BCL11B: variants seen among roughly 807,000 people sequenced by gnomAD.
BCL11B encodes B-cell lymphoma/leukemia 11B.
BCL11B carries 8 observed loss-of-function variants against 49.9 expected under a neutral mutation model. The observed-to-expected ratio is 0.16, with a 90% CI of 0.09 to 0.29. The LOEUF (loss-of-function observed/expected upper bound fraction) is 0.29, where lower values mean the gene tolerates loss of function less well. Among genes scored for constraint, BCL11B ranks in the 10% least tolerant of loss-of-function variants. BCL11B has a pLI of 1.00. For missense variants in BCL11B, 1,006 were observed against 1,351.0 expected, an observed-to-expected ratio of 0.74 and a Z score of 4.00; for synonymous variants, 739 against 637.4, an observed-to-expected ratio of 1.16 and a Z score of -2.40.
chr14:99,271,180 G>T lies in BCL11B; in HGVS notation c.39C>A (p.Ser13=). 1 of 1,550,498 alleles carries T rather than the reference G, an allele frequency of 6.4e-7. No homozygotes were observed. The change falls in exon 1 of 4, where the codon TCC becomes TCA. Residue 13 remains serine (S), a synonymous_variant. Coordinates refer to ENST00000357195, the MANE Select transcript of BCL11B (RefSeq NM_138576.4). ...ACTTACGGGTGATGAGCTCCCTCTG[G>T]GACAAGTGCTGCGGGTTGCCCTGTT... The part of the protein sequence containing the change: ...RRKQGNPQHL[S]QRELITPEAD...
chr14:99,244,067 G>A (rs1488407154), intron 2 of BCL11B, among the ~76,000 whole-genome samples: 2 of 152,142 alleles, frequency 1.3e-5, no homozygotes, highest in African/African-American at 2.4e-5. Context: ...AGAGCACCCT[G>A]GGGGCTACCA....
At chr14:99,267,224 C>T (rs548620928) in intron 1 of BCL11B, among the ~76,000 whole-genome samples, 8 of 151,382 alleles carry the variant, frequency 5.3e-5, no homozygotes, top group Admixed American at 3.9e-4. Context: ...AAAGGCCAGA[C>T]AAAAAATCGC....
At chr14:99,176,490 C>T (rs1246764543) in intron 3 of BCL11B, among the ~76,000 whole-genome samples, 1 of 152,246 alleles carries the variant, frequency 6.6e-6, no homozygotes, top group Non-Finnish European at 1.5e-5. Flanking sequence ...TTCTGATCTC[C>T]ATTACCTCCG....
rs747905518 is a variant in BCL11B, at chr14:99,231,376, C to T, written c.609G>A (p.Glu203=). The change falls in exon 3 of 4, where the codon GAG becomes GAA. Residue 203 remains glutamate, a synonymous_variant. Coordinates refer to ENST00000357195, the MANE Select transcript of BCL11B (RefSeq NM_138576.4). The surrounding 1 kb of genome is among the most constrained non-coding windows in gnomAD (Gnocchi z 8.1). ...GDGTQGEGQT[E]APFGCQCQLS... is the part of the protein sequence containing the mutation. ...ACTGACACTGGCATCCAAAGGGAGCCTCCGTCTGACCCTCACCCTGAGTCC... is the reference window on the plus strand; with the variant it reads ...ACTGACACTGGCATCCAAAGGGAGCTTCCGTCTGACCCTCACCCTGAGTCC... 3 of 1,607,518 alleles carry T rather than the reference C, an allele frequency of 1.9e-6. No individual in the cohort carries two copies. The highest frequency in any genetic ancestry group is 2.5e-6 in the Non-Finnish European group (3 of 1,177,424).
intron 2 of BCL11B, among the ~76,000 whole-genome samples, chr14:99,253,388 G>A (rs1386717883): frequency 2.0e-5 from 3 of 152,330 alleles, no homozygotes; most frequent in Admixed American, 6.5e-5. Flanking sequence ...TCCCAACCCT[G>A]ACAGGAGCCC....
chr14:99,245,951 G>C (rs375457644), intron 2 of BCL11B, among the ~76,000 whole-genome samples: 45 of 151,982 alleles, frequency 3.0e-4, no homozygotes, highest in East Asian at 2.9e-3. Flanking sequence ...CGACGGGGGC[G>C]GGGGGGAAAG....
intron 2 of BCL11B, among the ~76,000 whole-genome samples, chr14:99,238,224 G>A (rs1888561770): frequency 6.6e-6 from 1 of 152,086 alleles, no homozygotes. Context: ...TGGAGAGGCA[G>A]AGCCAAGGAA....
rs1888893967 is a variant in BCL11B at position 99,247,903 on chromosome 14, A to G, written c.427+9568T>C. Among the ~76,000 whole-genome samples the G allele has an allele frequency of 6.6e-6, 1 of 152,308 alleles. No individual in the cohort carries two copies. The highest frequency in any genetic ancestry group is 3.4e-3 in the Middle Eastern group (1 of 294). On this transcript the variant is annotated intron_variant, in intron 2 of 3. Transcript: ENST00000357195. The surrounding 1 kb of genome is among the most constrained non-coding windows in gnomAD (Gnocchi z 4.5). ...AGCCCCCAGGGCAGGGGATGGGGGG[A>G]AAACAGCCCTGATCAAACATTGCCT...
rs888373973 is a variant in BCL11B at position 99,171,175 on chromosome 14, C to A, written c.*2976G>T. Reference sequence around the variant, plus strand: ...AGGAGCCTTGATGCAAGGTTCGGGGCGTTCAGAGAGAAGCCCAACACGAAC... The same window carrying A: ...AGGAGCCTTGATGCAAGGTTCGGGGAGTTCAGAGAGAAGCCCAACACGAAC... On this transcript the variant is annotated 3_prime_UTR_variant, in exon 4 of 4. Transcript: ENST00000357195. 3.9e-5 allele frequency: 9 copies of A among 227,898 alleles called. No homozygotes were observed. Among genetic ancestry groups the A allele is most frequent in the Non-Finnish European group, 6.1e-5 (7 of 114,578 alleles). 14.1% of individuals were successfully genotyped at this position (227,898 alleles called of 1,614,324 possible).
In BCL11B at chr14:99,175,728, G is replaced by A. The variant is rs778400489; in HGVS notation, c.1108C>T (p.Leu370=). The A allele has an allele frequency of 6.7e-7, 1 of 1,483,682 alleles. No individual in the cohort carries two copies. The highest frequency in any genetic ancestry group is 8.8e-7 in the Non-Finnish European group (1 of 1,133,300). The allele number at this position is 1,483,682 out of a possible 1,614,324, so 91.9% of individuals were successfully genotyped here. A position where few individuals can be genotyped will look rare whatever the true frequency, so the allele number is the denominator to read the frequency against. ...GGCGGCGTGGAGCTGTTGCCCGCCAGCTCGCGGAGCCGCCGCGAGAAGTCC... is the reference window on the plus strand; with the variant it reads ...GGCGGCGTGGAGCTGTTGCCCGCCAACTCGCGGAGCCGCCGCGAGAAGTCC... ...AMDFSRRLRE[L]AGNSSTPPPV... Residue 370 remains leucine (L), a synonymous_variant, in exon 4 of 4, where the codon CTG becomes TTG. Transcript: ENST00000357195.
At chr14:99,179,964 A>T (rs1160842772) in intron 3 of BCL11B, among the ~76,000 whole-genome samples, 1 of 152,174 alleles carries the variant, frequency 6.6e-6, no homozygotes, top group Non-Finnish European at 1.5e-5. Context: ...AAACTCGCTA[A>T]ATATTTTAAA....
Position 99,175,164 on chromosome 14 carries a change from T to C in BCL11B, c.1672A>G (p.Met558Val), listed in dbSNP as rs1595215028. 6.3e-7 allele frequency: 1 copy of C among 1,591,600 alleles called. No homozygotes were observed. The highest frequency in any genetic ancestry group is 8.5e-7 in the Non-Finnish European group (1 of 1,171,330). The stretch of plus-strand genomic sequence containing the variant: ...CGGTTGCGGCTCAGCTCCGAGTCCA[T>C]GCTGAAGCTCGACTCGGGCCGGCTC... Reference protein sequence around the residue: ...NESRPESSFSMDSELSRNREN... With the variant: ...NESRPESSFSVDSELSRNREN... Residue 558 changes from methionine to valine, a missense_variant, in exon 4 of 4, where the codon ATG becomes GTG. Coordinates refer to ENST00000357195, the MANE Select transcript of BCL11B (RefSeq NM_138576.4).
intron 2 of BCL11B, among the ~76,000 whole-genome samples, chr14:99,239,915 C>A (rs1416190214): frequency 6.6e-6 from 1 of 152,042 alleles, no homozygotes; most frequent in Non-Finnish European, 1.5e-5. Flanking sequence ...AACAGCACAG[C>A]CAATAAAAAG....
In BCL11B at chr14:99,171,774, T is replaced by TC. The variant is rs1261487257; in HGVS notation, c.*2376dup. On this transcript the variant is annotated 3_prime_UTR_variant, in exon 4 of 4. Coordinates refer to ENST00000357195, the MANE Select transcript of BCL11B (RefSeq NM_138576.4). ...AAGGCAGAAAAAAATTTACTAAAAC[T>TC]CCGACTTTACAGTTACTGTAACAAG... The TC allele has an allele frequency of 1.4e-5, 3 of 210,764 alleles. No homozygotes were observed. Among genetic ancestry groups the TC allele is most frequent in the Non-Finnish European group, 1.9e-5 (2 of 103,800 alleles). The allele number at this position is 210,764 out of a possible 1,614,324, so 13.1% of individuals were successfully genotyped here.
chr14:99,245,421 G>A (rs1888796272), intron 2 of BCL11B, among the ~76,000 whole-genome samples: 1 of 152,234 alleles, frequency 6.6e-6, no homozygotes, highest in Admixed American at 6.5e-5. Context: ...CACTCGGAAA[G>A]AAACTAAGGT....
At position 99,271,119 on chromosome 14, in the gene BCL11B, G is replaced by A. The variant is rs374514502; in HGVS notation, c.58+42C>T. 6 of 1,517,056 alleles carry A rather than the reference G, an allele frequency of 4.0e-6. No individual in the cohort carries two copies. In the African/African-American group the frequency reaches 8.6e-5, roughly 22 times the overall value. The allele number at this position is 1,517,056 out of a possible 1,614,324, so 94.0% of individuals were successfully genotyped here. On this transcript the variant is annotated intron_variant, in intron 1 of 3. Transcript: ENST00000357195. Reference sequence around the variant, plus strand: ...GTGTCCCCAGCCCCAGACGCCCGGAGCCCCATCTCCGGCCCCTCGCGCGCA... The same window carrying A: ...GTGTCCCCAGCCCCAGACGCCCGGAACCCCATCTCCGGCCCCTCGCGCGCA...
rs1887523543 is a variant in BCL11B at position 99,205,984 on chromosome 14, C to T, written c.640+25361G>A. ...AAGGGAGCCTGAAGTACCCCCGATA[C>T]CCTCAACAGAGGACCGAGGCTTTGG... is the stretch of plus-strand genomic sequence containing the variant. On this transcript the variant is annotated intron_variant, in intron 3 of 3. Coordinates refer to ENST00000357195, the MANE Select transcript of BCL11B (RefSeq NM_138576.4). This position sits in a 1 kb window ranked among gnomAD's most constrained non-coding sequence, Gnocchi z 5.0. Among the ~76,000 whole-genome samples the T allele has an allele frequency of 6.6e-6, 1 of 152,134 alleles. No individual in the cohort carries two copies. The highest frequency in any genetic ancestry group is 2.4e-5 in the African/African-American group (1 of 41,422).
chr14:99,227,402 T>G (rs541700568), intron 3 of BCL11B, among the ~76,000 whole-genome samples: 3 of 151,996 alleles, frequency 2.0e-5, no homozygotes, highest in Admixed American at 6.5e-5. Context: ...AACTGAGGGA[T>G]GGAGAGGGGA....
At position 99,228,967 on chromosome 14, in the gene BCL11B, GATGGATGC is replaced by G. The variant is rs1283621041; in HGVS notation, c.640+2370_640+2377del. ...GGATGGGTGGATGGATGGATGCATG[GATGGATGC>G]ATGGATGGATGGATGGCTACATGGA... On this transcript the variant is annotated intron_variant, in intron 3 of 3. Coordinates refer to ENST00000357195, the MANE Select transcript of BCL11B (RefSeq NM_138576.4). The surrounding 1 kb of genome is among the most constrained non-coding windows in gnomAD (Gnocchi z 4.8). Among the ~76,000 whole-genome samples the G allele has an allele frequency of 3.3e-5, 5 of 151,990 alleles. No homozygotes were observed. Among genetic ancestry groups the G allele is most frequent in the Non-Finnish European group, 7.4e-5 (5 of 67,974 alleles).
Sources: gnomAD v4.1 joint callset for allele counts (sites outside exome capture counted in the v4.1 genomes callset) on GRCh38, gnomAD v4.1.1 for gene constraint, Gnocchi (gnomAD v3.1) non-coding constraint, MANE v1.5 for transcripts, NCBI Gene and HGNC (gene_info 2026-07-23, HGNC 2026-07-21) for gene names.